B3GALT1: variants seen among roughly 807,000 people sequenced by gnomAD.
The protein encoded by B3GALT1 is beta-1,3-galactosyltransferase 1, also known as UDP-Gal:betaGlcNAc beta 1,3-galactosyltransferase, polypeptide 1.
Under a neutral mutation model 23.2 loss-of-function variants are expected in B3GALT1, and 10 were observed. The observed-to-expected ratio is 0.43, with a 90% CI of 0.27 to 0.73. The LOEUF is 0.73. Among genes scored for constraint, B3GALT1 ranks in the 30% least tolerant of loss-of-function variants. B3GALT1 has a pLI of 0.21. For missense variants in B3GALT1, 299 were observed against 405.4 expected, an observed-to-expected ratio of 0.74 and a Z score of 2.25; for synonymous variants, 156 against 141.5, an observed-to-expected ratio of 1.10 and a Z score of -0.73.
intron 3 of B3GALT1, among the ~76,000 whole-genome samples, chr2:167,808,659 A>G (rs1436529283): frequency 6.6e-6 from 1 of 151,536 alleles, no homozygotes; most frequent in African/African-American, 2.4e-5. Flanking sequence ...ATCCGCTGTT[A>G]GTCTGATGGG....
intron 3 of B3GALT1, among the ~76,000 whole-genome samples, chr2:167,774,431 T>C (rs553486247): frequency 6.6e-6 from 1 of 151,928 alleles, no homozygotes; most frequent in East Asian, 1.9e-4. Context: ...GGACCTAGTA[T>C]CCTTTGCATA....
At chr2:167,761,844 C>T (rs1290763557) in intron 3 of B3GALT1, among the ~76,000 whole-genome samples, 1 of 152,218 alleles carries the variant, frequency 6.6e-6, no homozygotes. Context: ...AATCTACACA[C>T]ATTTAAGGAC....
intron 1 of B3GALT1, among the ~76,000 whole-genome samples, chr2:167,328,510 A>G (rs546232433): frequency 2.0e-5 from 3 of 152,238 alleles, no homozygotes; most frequent in Non-Finnish European, 4.4e-5. Flanking sequence ...TATTTTGTTC[A>G]TAATAATCTC....
intron 3 of B3GALT1, among the ~76,000 whole-genome samples, chr2:167,806,573 A>T (rs2105346693): frequency 6.6e-6 from 1 of 152,314 alleles, no homozygotes; most frequent in South Asian, 2.1e-4. Flanking sequence ...CTATTGAGAT[A>T]ATTGTAGTTT....
Position 167,564,321 on chromosome 2 carries a change from C to T in B3GALT1, c.-410+74044C>T, listed in dbSNP as rs1226652943. Among the ~76,000 whole-genome samples the T allele has an allele frequency of 9.3e-5, 14 of 150,024 alleles. 1 individual carries two copies. In the Middle Eastern group the frequency reaches 0.011, roughly 113 times the overall value. On this transcript the variant is annotated intron_variant, in intron 2 of 4. Transcript: ENST00000392690. ...AGATGTGATGGCGGCCGGGAAGAGG[C>T]GCTCCCCACCTCCTAGATGGGACGG...
intron 3 of B3GALT1, among the ~76,000 whole-genome samples, chr2:167,738,498 T>G (rs933745747): frequency 1.3e-5 from 2 of 152,324 alleles, no homozygotes; most frequent in Admixed American, 6.5e-5. Context: ...TATCAAATGA[T>G]ATTTTTTCTA....
chr2:167,555,215 TATTG>T (rs1683822693), intron 2 of B3GALT1, among the ~76,000 whole-genome samples: 1 of 152,204 alleles, frequency 6.6e-6, no homozygotes, highest in Non-Finnish European at 1.5e-5. Context: ...AATAGACAGT[TATTG>T]AATGCATTGC....
chr2:167,815,585 T>A (rs1339293902), intron 3 of B3GALT1, among the ~76,000 whole-genome samples: 1 of 152,172 alleles, frequency 6.6e-6, no homozygotes, highest in Non-Finnish European at 1.5e-5. Flanking sequence ...CAAATATTAT[T>A]ACTGTCTTGT....
chr2:167,558,676 T>G (rs568976180), intron 2 of B3GALT1, among the ~76,000 whole-genome samples: 1 of 152,044 alleles, frequency 6.6e-6, no homozygotes, highest in African/African-American at 2.4e-5. Flanking sequence ...GGCTCGGAGG[T>G]TCCTACGCCC....
intron 1 of B3GALT1, among the ~76,000 whole-genome samples, chr2:167,421,599 C>G (rs1698547919): frequency 6.6e-6 from 1 of 152,106 alleles, no homozygotes; most frequent in South Asian, 2.1e-4. Flanking sequence ...TTCAAGCATT[C>G]ACATCTTTAA....
intron 1 of B3GALT1, among the ~76,000 whole-genome samples, chr2:167,415,715 A>T (rs1480717910): frequency 6.6e-6 from 1 of 152,204 alleles, no homozygotes; most frequent in African/African-American, 2.4e-5. Flanking sequence ...ACAGCAAAGA[A>T]CGTTCTGATG....
intron 2 of B3GALT1, among the ~76,000 whole-genome samples, chr2:167,552,526 G>A (rs902555326): frequency 6.6e-6 from 1 of 152,132 alleles, no homozygotes; most frequent in African/African-American, 2.4e-5. Context: ...ATGTTTTTGT[G>A]TATATTTTAG....
At chr2:167,308,246 TG>T (rs1696579763) in intron 1 of B3GALT1, among the ~76,000 whole-genome samples, 1 of 152,004 alleles carries the variant, frequency 6.6e-6, no homozygotes, top group Non-Finnish European at 1.5e-5. Flanking sequence ...ACTGAGTTTT[TG>T]ATAGAGCCAA....
intron 3 of B3GALT1, among the ~76,000 whole-genome samples, chr2:167,724,597 T>G (rs1687281045): frequency 1.3e-5 from 2 of 152,226 alleles, no homozygotes. Flanking sequence ...ATGTTATAAT[T>G]TAAAGCTGAT....
intron 2 of B3GALT1, among the ~76,000 whole-genome samples, chr2:167,584,686 C>G (rs1233961522): frequency 3.3e-5 from 5 of 152,106 alleles, no homozygotes; most frequent in African/African-American, 1.2e-4. Flanking sequence ...TTCCTACAAC[C>G]CCCTCCTTGG....
intron 2 of B3GALT1, among the ~76,000 whole-genome samples, chr2:167,501,645 C>T (rs913901967): frequency 1.4e-5 from 2 of 143,626 alleles, no homozygotes; most frequent in African/African-American, 2.6e-5. Context: ...TCAATTTGGT[C>T]ATTTCCAAAT....
chr2:167,700,839 A>T (rs1686870414), intron 3 of B3GALT1, among the ~76,000 whole-genome samples: 1 of 152,116 alleles, frequency 6.6e-6, no homozygotes, highest in South Asian at 2.1e-4. Flanking sequence ...TCCGGGGTTC[A>T]CCTAGGGGTA....
chr2:167,359,205 C>A (rs1170536242), intron 1 of B3GALT1, among the ~76,000 whole-genome samples: 2 of 152,124 alleles, frequency 1.3e-5, no homozygotes, highest in Non-Finnish European at 2.9e-5. Context: ...AAAAAAAGCT[C>A]AAAAATTTTG....
chr2:167,719,522 CT>C (rs1247509728), intron 3 of B3GALT1, among the ~76,000 whole-genome samples: 3 of 152,132 alleles, frequency 2.0e-5, no homozygotes, highest in African/African-American at 7.2e-5. Context: ...TAATAGAATC[CT>C]AGTCCCAACT....
Sources: gnomAD v4.1 joint callset for allele counts (sites outside exome capture counted in the v4.1 genomes callset) on GRCh38, gnomAD v4.1.1 for gene constraint, MANE v1.5 for transcripts, NCBI Gene and HGNC (gene_info 2026-07-23, HGNC 2026-07-21) for gene names.